USP54: variants seen among roughly 807,000 people sequenced by gnomAD.
USP54 encodes the protein ubiquitin specific peptidase 54, also known as ubiquitin carboxyl-terminal hydrolase 54.
In USP54, 87 loss-of-function variants were observed where a neutral mutation model predicts 170.5. The observed-to-expected ratio is 0.51, with a 90% CI of 0.43 to 0.61. USP54 has a LOEUF of 0.61. Among genes scored for constraint, USP54 ranks in the 20% least tolerant of loss-of-function variants. The pLI is 0.00. For missense variants in USP54, 1,786 were observed against 2,047.8 expected (o/e 0.87, Z 2.47); for synonymous variants, 655 against 742.8 (o/e 0.88, Z 1.92).
intron 11 of USP54, 163 bp downstream of exon 11, chr10:73,536,106 G>C (rs2065152034): frequency 3.2e-6 from 3 of 932,774 alleles, no homozygotes; most frequent in Non-Finnish European, 4.9e-6. Context: ...ATAAAGGCTG[G>C]CCCAAGTTAG....
chr10:73,579,371 A>G (rs1158821479), intron 1 of USP54, among the ~76,000 whole-genome samples: 1 of 152,220 alleles, frequency 6.6e-6, no homozygotes, highest in African/African-American at 2.4e-5. Flanking sequence ...AAGATTAGTC[A>G]AAGATTAAAA....
chr10:73,562,008 C>T (rs769347122), intron 4 of USP54, among the ~76,000 whole-genome samples: 4 of 151,646 alleles, frequency 2.6e-5, no homozygotes, highest in Non-Finnish European at 5.9e-5. Flanking sequence ...GGCTGAGGCA[C>T]GAGAATTGTT....
In USP54 at chr10:73,530,314, G is replaced by A. The variant is rs370485233; in HGVS notation, c.1657C>T (p.Arg553Cys). 4.0e-5 allele frequency: 64 copies of A among 1,614,002 alleles called. No individual in the cohort carries two copies. Among genetic ancestry groups the A allele is most frequent in the Non-Finnish European group, 4.7e-5 (55 of 1,180,046 alleles). ...CTGGTACTCTCTATTTCCCAGTCAC[G>A]AGAGTGTAAAGGCAGGGTCCTAGGA... ...KPPRTLPLHSRDWEIESTSSE... is the reference protein window; with the variant it reads ...KPPRTLPLHSCDWEIESTSSE... The change falls in exon 14 of 24, where the codon CGT becomes TGT. Residue 553 changes from arginine to cysteine, a missense_variant. Arg to Cys is a radical substitution (Grantham distance 180). Around this residue, in one of 3 missense-constraint regions of USP54, gnomAD observed 1,418 missense variants for 1,569.0 expected, o/e 0.90. Transcript: ENST00000687698.
At chr10:73,554,586 T>C (rs370109399) in intron 4 of USP54, among the ~76,000 whole-genome samples, 5 of 152,288 alleles carry the variant, frequency 3.3e-5, no homozygotes, top group Admixed American at 6.5e-5. Context: ...AATAATAACA[T>C]AGGATTTTAA....
At position 73,620,645 on chromosome 10, in the gene USP54, T is replaced by A. The variant is rs1161259218; in HGVS notation, c.-18+4922A>T. ...TTTAAAGAAGCCATTTACAAAGATATAAAATTTGGGGGCCGGGAGTGGTGG... is the reference window on the plus strand; with the variant it reads ...TTTAAAGAAGCCATTTACAAAGATAAAAAATTTGGGGGCCGGGAGTGGTGG... On this transcript the variant is annotated intron_variant, in intron 1 of 22. Transcript: ENST00000339859. Among the ~76,000 whole-genome samples the A allele has an allele frequency of 2.0e-5, 3 of 149,878 alleles. 1 individual carries two copies. The highest frequency in any genetic ancestry group is 7.6e-5 in the African/African-American group (3 of 39,454).
At chr10:73,503,018 T>TG (rs1342127109) in intron 22 of USP54, among the ~76,000 whole-genome samples, 3 of 152,174 alleles carry the variant, frequency 2.0e-5, no homozygotes, top group African/African-American at 7.2e-5. Context: ...ACTTCCTAAC[T>TG]GGGTCTCAAA....
intron 1 of USP54, among the ~76,000 whole-genome samples, chr10:73,598,781 G>A (rs765477769): frequency 6.6e-5 from 10 of 152,218 alleles, no homozygotes; most frequent in Non-Finnish European, 8.8e-5. Flanking sequence ...TTAGCTGGGC[G>A]TGGCAGCGTG....
Position 73,504,724 on chromosome 10 carries a change from TGCTGAGTACACAGG to T in USP54, c.4311+112_4311+125del. The T allele has an allele frequency of 3.2e-6, 4 of 1,245,476 alleles. No homozygotes were observed. The South Asian group carries it at 5.9e-5, about 18-fold the overall frequency. The allele number at this position is 1,245,476 out of a possible 1,614,324, so 77.2% of individuals were successfully genotyped here. The stretch of plus-strand genomic sequence containing the variant: ...AATAATGACTGCGTGTCCTTATTTT[TGCTGAGTACACAGG>T]GCCTTTCCTCACATTACAACCTTCA... On this transcript the variant is annotated intron_variant, in intron 22 of 23. Coordinates refer to ENST00000687698, the MANE Select transcript of USP54 (RefSeq NM_001391956.1).
intron 22 of USP54, among the ~76,000 whole-genome samples, chr10:73,502,906 A>G (rs1002567848): frequency 3.3e-5 from 5 of 152,164 alleles, no homozygotes; most frequent in African/African-American, 7.2e-5. Flanking sequence ...AACTGAATGC[A>G]TATCTTCCCT....
rs766056727 is a variant in USP54 at position 73,504,813 on chromosome 10, A to C, written c.4311+37T>G. 3.7e-6 allele frequency: 6 copies of C among 1,613,812 alleles called. No individual in the cohort carries two copies. In the South Asian group the frequency reaches 6.6e-5, roughly 18 times the overall value. ...ACTGTATTTTTGCTTAGCAAGGAGGAGGGTGCTCTGAATAGATGGACCCTG... is the reference window on the plus strand; with the variant it reads ...ACTGTATTTTTGCTTAGCAAGGAGGCGGGTGCTCTGAATAGATGGACCCTG... On this transcript the variant is annotated intron_variant, in intron 22 of 23. Coordinates refer to ENST00000687698, the MANE Select transcript of USP54 (RefSeq NM_001391956.1).
chr10:73,620,568 C>T (rs1282790322), intron 1 of USP54, among the ~76,000 whole-genome samples: 1 of 148,566 alleles, frequency 6.7e-6, no homozygotes, highest in Non-Finnish European at 1.5e-5. Context: ...AGCAATCCTC[C>T]TGCCTTAGCC....
intron 1 of USP54, chr10:73,606,298 T>C (rs772874362): frequency 2.6e-5 from 4 of 151,714 alleles, no homozygotes; most frequent in Non-Finnish European, 5.9e-5. Flanking sequence ...ATATTATGTG[T>C]ATTTTACCAC....
At chr10:73,623,254 C>T (rs544943052) in intron 1 of USP54, among the ~76,000 whole-genome samples, 9 of 152,170 alleles carry the variant, frequency 5.9e-5, no homozygotes, top group African/African-American at 2.2e-4. Context: ...CGCGTGGTTG[C>T]ATGCACCTGT....
intron 7 of USP54, among the ~76,000 whole-genome samples, chr10:73,542,257 C>T (rs1164538443): frequency 6.6e-6 from 1 of 152,116 alleles, no homozygotes; most frequent in Non-Finnish European, 1.5e-5. Flanking sequence ...CGCAACCATG[C>T]CTGGCTAATT....
Position 73,505,256 on chromosome 10 carries a change from C to T in USP54, c.4170+52G>A, listed in dbSNP as rs7083082. 17,944 of 1,544,536 alleles carry T rather than the reference C, an allele frequency of 0.012. 966 individuals carry two copies. In the African/African-American group the frequency reaches 0.16, roughly 13 times the overall value. On this transcript the variant is annotated intron_variant, in intron 21 of 23. Coordinates refer to ENST00000687698, the MANE Select transcript of USP54 (RefSeq NM_001391956.1). Reference sequence around the variant, plus strand: ...TCCCTGTCACATCTCTCCATAATTCCTTCCCCAACACACCACCCCAGGCCC... The same window carrying T: ...TCCCTGTCACATCTCTCCATAATTCTTTCCCCAACACACCACCCCAGGCCC...
chr10:73,529,593 A>G (rs753095349), intron 15 of USP54, 87 bp downstream of exon 15: 6 of 1,444,858 alleles, frequency 4.2e-6, no homozygotes, highest in African/African-American at 2.8e-5. Flanking sequence ...CCATCCCTCC[A>G]CTTGTCTCAG....
intron 4 of USP54, among the ~76,000 whole-genome samples, chr10:73,550,091 G>A (rs1407693563): frequency 6.6e-6 from 1 of 152,074 alleles, no homozygotes; most frequent in East Asian, 1.9e-4. Context: ...ACCCGGCTAA[G>A]TTTTGCATTT....
At chr10:73,596,451 C>T (rs978560911) in intron 1 of USP54, among the ~76,000 whole-genome samples, 2 of 151,536 alleles carry the variant, frequency 1.3e-5, no homozygotes, top group African/African-American at 2.4e-5. Flanking sequence ...CCCAGCTACT[C>T]GGGAGGCTGA....
chr10:73,609,878 C>T (rs1450586848), intron 1 of USP54, among the ~76,000 whole-genome samples: 2 of 148,744 alleles, frequency 1.3e-5, no homozygotes, highest in Admixed American at 1.4e-4. Flanking sequence ...GGTGTGGTGG[C>T]GTGCGCCTGT....
Sources: allele counts gnomAD v4.1 joint callset (sites outside exome capture counted in the v4.1 genomes callset), GRCh38; gene constraint gnomAD v4.1.1; regional missense constraint gnomAD v4.1.1; transcripts MANE v1.5; gene names NCBI Gene and HGNC (gene_info 2026-07-23, HGNC 2026-07-21).